The following CMIP variants were observed in gnomAD, a reference collection of about 807,000 sequenced individuals.
CMIP encodes the protein c-Maf inducing protein, also known as C-Maf-inducing protein.
CMIP carries 13 observed loss-of-function variants against 97.3 expected under a neutral mutation model. The observed-to-expected ratio is 0.13, with a 90% CI of 0.09 to 0.21. CMIP has a LOEUF of 0.21. Among genes scored for constraint, CMIP ranks in the 10% least tolerant of loss-of-function variants. CMIP has a pLI of 1.00. For missense variants in CMIP, 847 were observed against 1,024.9 expected, an observed-to-expected ratio of 0.83 and a Z score of 2.37; for synonymous variants, 538 against 436.3, an observed-to-expected ratio of 1.23 and a Z score of -2.91.
At position 81,454,792 on chromosome 16, in the gene CMIP, G is replaced by A. The variant is rs985207400; in HGVS notation, c.300+9251G>A. The stretch of plus-strand genomic sequence containing the variant: ...TTTATGTCTTGTCCTGTGTTTGGAC[G>A]GAGGAAGAGACGCCATCATGGGGGT... On this transcript the variant is annotated intron_variant, in intron 1 of 20. Transcript: ENST00000537098. Among the ~76,000 whole-genome samples the A allele has an allele frequency of 1.3e-5, 2 of 152,320 alleles. 1 individual carries two copies. Among genetic ancestry groups the A allele is most frequent in the Admixed American group, 1.3e-4 (2 of 15,302 alleles).
intron 1 of CMIP, among the ~76,000 whole-genome samples, chr16:81,539,639 C>A (rs1232766501): frequency 6.6e-6 from 1 of 152,186 alleles, no homozygotes; most frequent in Admixed American, 6.5e-5. Flanking sequence ...TCCTACCCTG[C>A]GTCCTGTTTC....
chr16:81,595,910 A>C (rs562352330), intron 1 of CMIP, among the ~76,000 whole-genome samples: 1 of 152,298 alleles, frequency 6.6e-6, no homozygotes, highest in East Asian at 1.9e-4. Flanking sequence ...CTAGGAGTGG[A>C]ATTACTGGGT....
At chr16:81,647,393 A>T (rs940570524) in intron 3 of CMIP, among the ~76,000 whole-genome samples, 1 of 152,142 alleles carries the variant, frequency 6.6e-6, no homozygotes, top group Non-Finnish European at 1.5e-5. Context: ...TTGTGAGACC[A>T]TTCTTGGTCT....
At chr16:81,685,834 G>T (rs939103231) in intron 10 of CMIP, among the ~76,000 whole-genome samples, 96 of 152,208 alleles carry the variant, frequency 6.3e-4, no homozygotes, top group African/African-American at 2.2e-3. Flanking sequence ...AAAGTGCTGG[G>T]ATTACAGGCG....
chr16:81,622,653 A>G (rs2092008271), intron 3 of CMIP, among the ~76,000 whole-genome samples: 1 of 152,166 alleles, frequency 6.6e-6, no homozygotes, highest in African/African-American at 2.4e-5. Flanking sequence ...TTGGGGGAAA[A>G]ATGCCTTATT....
intron 10 of CMIP, among the ~76,000 whole-genome samples, chr16:81,682,394 G>A (rs1254086904): frequency 6.6e-5 from 10 of 152,010 alleles, no homozygotes; most frequent in African/African-American, 2.2e-4. Flanking sequence ...GAGAAACCTC[G>A]TCTCTACTAA....
chr16:81,479,995 C>T (rs1908161784), intron 1 of CMIP, among the ~76,000 whole-genome samples: 1 of 152,178 alleles, frequency 6.6e-6, no homozygotes, highest in Admixed American at 6.5e-5. Flanking sequence ...GCCCTGGCCG[C>T]ACAATGGGAT....
intron 19 of CMIP, 112 bp downstream of exon 19, chr16:81,705,716 C>G (rs553483230): frequency 1.1e-5 from 7 of 663,916 alleles, no homozygotes; most frequent in African/African-American, 3.6e-5. Flanking sequence ...TAGAGAAATT[C>G]GTTCATTCAC....
chr16:81,476,164 G>C, intron 1 of CMIP: 1 of 1,154,518 alleles, frequency 8.7e-7, no homozygotes, highest in Non-Finnish European at 1.3e-6. Context: ...CAACCACTCA[G>C]TCTTGGCAGT....
At position 81,678,451 on chromosome 16, in the gene CMIP, T is replaced by A. The variant is rs770972501; in HGVS notation, c.1211T>A (p.Val404Glu). ...GTCGTGGCCTCCAGTGAGATCCACG[T>A]GGAGGTGGAACGCACCAGCACTGCC... ...SVVVASSEIH[V>E]EVERTSTAKP... Residue 404 changes from valine (V) to glutamate (E), a missense_variant, in exon 10 of 21, where the codon GTG becomes GAG. By Grantham distance (121) the Val-to-Glu change is moderately radical. Transcript: ENST00000537098. The A allele has an allele frequency of 2.2e-5, 35 of 1,591,034 alleles. No individual in the cohort carries two copies. Among genetic ancestry groups the A allele is most frequent in the Non-Finnish European group, 2.6e-5 (30 of 1,169,804 alleles).
intron 18 of CMIP, 143 bp from the exon 19 acceptor site, chr16:81,705,356 G>T: frequency 1.7e-6 from 1 of 588,900 alleles, no homozygotes; most frequent in East Asian, 2.9e-5. Context: ...GGACGTGAAC[G>T]CAGCCCAGAC....
In CMIP at chr16:81,701,565, T is replaced by C. The variant is rs182424705; in HGVS notation, c.1756-95T>C. 334 of 1,556,794 alleles carry C rather than the reference T, an allele frequency of 2.1e-4. 1 individual carries two copies. The African/African-American group carries it at 3.4e-3, about 16-fold the overall frequency. On this transcript the variant is annotated intron_variant, in intron 15 of 20. Coordinates refer to ENST00000537098, the MANE Select transcript of CMIP (RefSeq NM_198390.3). ...GGCTGCAGAAAGGGGATAGTGGGGT[T>C]GCTGGTTTTCAAAACAAGGCCCTTG...
intron 1 of CMIP, among the ~76,000 whole-genome samples, chr16:81,447,063 G>A (rs1905897872): frequency 6.6e-6 from 1 of 152,164 alleles, no homozygotes; most frequent in Non-Finnish European, 1.5e-5. Context: ...GCCACAGGCC[G>A]CAGCATTTGG....
At chr16:81,470,696 G>C (rs1907469737) in intron 1 of CMIP, among the ~76,000 whole-genome samples, 1 of 152,224 alleles carries the variant, frequency 6.6e-6, no homozygotes, top group Non-Finnish European at 1.5e-5. Context: ...GAGCTCAAGG[G>C]ATCCTCCCAC....
At chr16:81,448,680 G>T (rs1171003033) in intron 1 of CMIP, among the ~76,000 whole-genome samples, 1 of 152,232 alleles carries the variant, frequency 6.6e-6, no homozygotes, top group Non-Finnish European at 1.5e-5. Context: ...TGTGACGGCC[G>T]CCAGGTCTGA....
intron 2 of CMIP, among the ~76,000 whole-genome samples, chr16:81,608,373 C>T (rs1167880632): frequency 6.6e-6 from 1 of 152,176 alleles, no homozygotes; most frequent in African/African-American, 2.4e-5. Context: ...CATCTCCTGG[C>T]TGTGCTTCTG....
intron 2 of CMIP, among the ~76,000 whole-genome samples, chr16:81,609,419 A>T (rs1386580585): frequency 6.6e-5 from 10 of 152,162 alleles, no homozygotes; most frequent in Non-Finnish European, 1.2e-4. Context: ...TCAGTGGCCA[A>T]CGGAGAGGTA....
chr16:81,554,320 A>G (rs2090718698), intron 1 of CMIP, among the ~76,000 whole-genome samples: 1 of 152,236 alleles, frequency 6.6e-6, no homozygotes, highest in Non-Finnish European at 1.5e-5. Context: ...ATCTGAGCTC[A>G]TTTAATGCAA....
intron 1 of CMIP, among the ~76,000 whole-genome samples, chr16:81,526,293 A>T (rs1327252720): frequency 6.6e-6 from 1 of 152,246 alleles, no homozygotes; most frequent in Non-Finnish European, 1.5e-5. Context: ...ATTTTAAAAA[A>T]GACATCTTTA....
Sources: allele counts gnomAD v4.1 joint callset (sites outside exome capture counted in the v4.1 genomes callset), GRCh38; gene constraint gnomAD v4.1.1; transcripts MANE v1.5; gene names NCBI Gene and HGNC (gene_info 2026-07-23, HGNC 2026-07-21).